GALNTL6: variants seen among roughly 807,000 people sequenced by gnomAD.
GALNTL6 encodes the protein polypeptide N-acetylgalactosaminyltransferase-like 6.
Under a neutral mutation model 73.7 loss-of-function variants are expected in GALNTL6, and 46 were observed. The observed-to-expected ratio is 0.62, with a 90% CI of 0.49 to 0.80. The LOEUF (loss-of-function observed/expected upper bound fraction) is 0.80, where lower values mean the gene tolerates loss of function less well. Among genes scored for constraint, GALNTL6 ranks in the 30% least tolerant of loss-of-function variants. The probability of loss-of-function intolerance (pLI) is 0.00; values close to 1 mark genes in which losing one functional copy is unlikely to be tolerated. For synonymous variants in GALNTL6, 259 were observed against 263.7 expected (o/e 0.98, Z 0.17); for missense variants, 604 against 755.0 (o/e 0.80, Z 2.34).
chr4:172,923,642 G>A (rs935274705), intron 8 of GALNTL6, among the ~76,000 whole-genome samples: 12 of 151,962 alleles, frequency 7.9e-5, no homozygotes, highest in African/African-American at 2.7e-4. Flanking sequence ...CACACCAAGG[G>A]GAGTATATTA....
chr4:171,928,110 G>A (rs1738043891), intron 2 of GALNTL6, among the ~76,000 whole-genome samples: 1 of 152,076 alleles, frequency 6.6e-6, no homozygotes, highest in Non-Finnish European at 1.5e-5. Context: ...TTTTAACTAT[G>A]TTTTTTCAAA....
chr4:172,164,769 C>T (rs138240163), intron 2 of GALNTL6, among the ~76,000 whole-genome samples: 1,680 of 152,092 alleles, frequency 0.011, 15 homozygotes, highest in Non-Finnish European at 0.015. Flanking sequence ...TTTCAATCTT[C>T]TCATAATTAC....
intron 3 of GALNTL6, among the ~76,000 whole-genome samples, chr4:172,308,688 C>T (rs1222014238): frequency 6.6e-6 from 1 of 152,090 alleles, no homozygotes; most frequent in African/African-American, 2.4e-5. Context: ...TATGGAATGA[C>T]ATAGATCTAG....
At chr4:172,313,981 C>T (rs765663798) in intron 4 of GALNTL6, among the ~76,000 whole-genome samples, 6 of 152,116 alleles carry the variant, frequency 3.9e-5, no homozygotes, top group African/African-American at 1.2e-4. Flanking sequence ...CTGCAGGAAA[C>T]GGAGAGCCAA....
At chr4:171,908,263 A>G (rs1737356655) in intron 2 of GALNTL6, among the ~76,000 whole-genome samples, 2 of 152,284 alleles carry the variant, frequency 1.3e-5, no homozygotes, top group South Asian at 2.1e-4. Context: ...AAGGGCTAAT[A>G]TCCAGAATCT....
chr4:171,927,872 GTTCT>G (rs1738035610), intron 2 of GALNTL6, among the ~76,000 whole-genome samples: 1 of 152,110 alleles, frequency 6.6e-6, no homozygotes, highest in Non-Finnish European at 1.5e-5. Flanking sequence ...GTCACACAAA[GTTCT>G]TTCTTTACCT....
chr4:172,483,963 T>C (rs905634746), intron 5 of GALNTL6, among the ~76,000 whole-genome samples: 1 of 152,126 alleles, frequency 6.6e-6, no homozygotes, highest in African/African-American at 2.4e-5. Context: ...GAATATGAGT[T>C]TAGAGCTCAG....
intron 8 of GALNTL6, among the ~76,000 whole-genome samples, chr4:172,929,385 C>T (rs1748214333): frequency 6.6e-6 from 1 of 152,124 alleles, no homozygotes; most frequent in Non-Finnish European, 1.5e-5. Context: ...TTCAATATTA[C>T]ACTTCAAATC....
At chr4:172,946,652 C>G (rs1342912481) in intron 9 of GALNTL6, among the ~76,000 whole-genome samples, 1 of 152,118 alleles carries the variant, frequency 6.6e-6, no homozygotes, top group East Asian at 1.9e-4. Context: ...CTAAAGACCT[C>G]TAATGAAAGG....
intron 5 of GALNTL6, among the ~76,000 whole-genome samples, chr4:172,539,066 A>G (rs1003799717): frequency 1.3e-5 from 2 of 152,222 alleles, no homozygotes; most frequent in African/African-American, 4.8e-5. Flanking sequence ...TGGAAGAAAA[A>G]ATATAAGATT....
At chr4:171,995,333 C>G (rs188262473) in intron 2 of GALNTL6, among the ~76,000 whole-genome samples, 229 of 152,020 alleles carry the variant, frequency 1.5e-3, no homozygotes, top group African/African-American at 5.2e-3. Flanking sequence ...TTCCATCCAT[C>G]TCCTAGAAAT....
In GALNTL6 at chr4:172,576,880, G is replaced by A. The variant is rs1276283086; in HGVS notation, c.553+228191G>A. ...ACTGACAGTGGTTGGTTGTCAATAC[G>A]GGTTGTGCAGGTCAGAAATTCTCTG... On this transcript the variant is annotated intron_variant, in intron 5 of 12. Transcript: ENST00000506823. Among the ~76,000 whole-genome samples, 3 of 152,096 alleles carry A rather than the reference G, an allele frequency of 2.0e-5. No individual in the cohort carries two copies. The East Asian group carries it at 5.8e-4, about 29-fold the overall frequency.
intron 3 of GALNTL6, among the ~76,000 whole-genome samples, chr4:172,280,556 T>C (rs1268733450): frequency 6.6e-6 from 1 of 151,978 alleles, no homozygotes; most frequent in Non-Finnish European, 1.5e-5. Flanking sequence ...AGTTCAAGAC[T>C]GTAAATAATT....
intron 10 of GALNTL6, among the ~76,000 whole-genome samples, chr4:172,958,208 G>T (rs1253244656): frequency 6.6e-6 from 1 of 152,194 alleles, no homozygotes; most frequent in Non-Finnish European, 1.5e-5. Flanking sequence ...GTGATTCTAA[G>T]GGCCTCTAAA....
At chr4:172,275,837 A>G (rs1738810214) in intron 3 of GALNTL6, among the ~76,000 whole-genome samples, 1 of 152,040 alleles carries the variant, frequency 6.6e-6, no homozygotes, top group Admixed American at 6.6e-5. Context: ...CATACCTGTA[A>G]TTCCAGCTAC....
chr4:172,138,906 T>A lies in GALNTL6; in HGVS notation c.139-90750T>A, dbSNP rs11942308. 8.1e-3 allele frequency among the ~76,000 whole-genome samples: 1,239 copies of A among 152,200 alleles called. 20 individuals are homozygous for A. Among genetic ancestry groups the A allele is most frequent in the African/African-American group, 0.028 (1,170 of 41,522 alleles). ...TTTTGTAATAAGAAAAGTTTATAAA[T>A]TATTTCTTCCTCTACTAAAGTGATT... On this transcript the variant is annotated intron_variant, in intron 2 of 12. Coordinates refer to ENST00000506823, the MANE Select transcript of GALNTL6 (RefSeq NM_001034845.3).
intron 9 of GALNTL6, among the ~76,000 whole-genome samples, chr4:172,940,045 C>A (rs1331771502): frequency 6.6e-6 from 1 of 151,842 alleles, no homozygotes; most frequent in Non-Finnish European, 1.5e-5. Flanking sequence ...TCATATCAAA[C>A]ATAGACACTA....
chr4:172,914,172 A>G (rs1302004086), intron 8 of GALNTL6, among the ~76,000 whole-genome samples: 1 of 152,216 alleles, frequency 6.6e-6, no homozygotes, highest in Non-Finnish European at 1.5e-5. Context: ...AAGGAGAAAT[A>G]AAAGCCTTTA....
intron 5 of GALNTL6, among the ~76,000 whole-genome samples, chr4:172,711,065 A>T: frequency 6.6e-6 from 1 of 152,302 alleles, no homozygotes; most frequent in Non-Finnish European, 1.5e-5. Context: ...TGTGTAATAT[A>T]AAAGAATTTT....
Sources: allele counts gnomAD v4.1 joint callset (sites outside exome capture counted in the v4.1 genomes callset), GRCh38; gene constraint gnomAD v4.1.1; transcripts MANE v1.5; gene names NCBI Gene and HGNC (gene_info 2026-07-23, HGNC 2026-07-21).